Variants in CDH13 observed in about 807,000 individuals in gnomAD.
CDH13 encodes cadherin-13.
A neutral mutation model predicts 63.8 loss-of-function variants in CDH13; 24 were observed. The observed-to-expected ratio is 0.38, with a 90% CI of 0.27 to 0.53. CDH13 has a LOEUF of 0.53. Among genes scored for constraint, CDH13 ranks in the 20% least tolerant of loss-of-function variants. The probability of loss-of-function intolerance (pLI) is 0.85; values close to 1 mark genes in which losing one functional copy is unlikely to be tolerated. For missense variants in CDH13, 1,049 were observed against 903.1 expected (o/e 1.16, Z -2.07); for synonymous variants, 503 against 355.3 (o/e 1.42, Z -4.67).
At chr16:83,129,371 G>T (rs2035949580) in intron 4 of CDH13, among the ~76,000 whole-genome samples, 1 of 152,200 alleles carries the variant, frequency 6.6e-6, no homozygotes, top group Admixed American at 6.5e-5. Flanking sequence ...CCCTAGAAGT[G>T]GACCGCAAGA....
intron 7 of CDH13, among the ~76,000 whole-genome samples, chr16:83,531,381 A>G (rs1448216801): frequency 6.6e-6 from 1 of 152,192 alleles, no homozygotes; most frequent in Non-Finnish European, 1.5e-5. Flanking sequence ...CAGACACCCA[A>G]GTCCTGATCC....
At chr16:83,415,227 C>G (rs755808830) in intron 6 of CDH13, among the ~76,000 whole-genome samples, 4 of 151,860 alleles carry the variant, frequency 2.6e-5, no homozygotes, top group Admixed American at 6.6e-5. Flanking sequence ...AAGATTAAAT[C>G]GTGAAGAAAT....
chr16:82,817,170 G>A (rs56277310), intron 1 of CDH13, among the ~76,000 whole-genome samples: 45,522 of 151,540 alleles, frequency 0.3, 8,406 homozygotes, highest in Non-Finnish European at 0.41. Flanking sequence ...ATCACTCTTC[G>A]CCCCCCACTG....
intron 8 of CDH13, among the ~76,000 whole-genome samples, chr16:83,657,117 G>C (rs571789569): frequency 6.6e-6 from 1 of 152,308 alleles, no homozygotes; most frequent in Admixed American, 6.5e-5. Flanking sequence ...ATATGTAATG[G>C]CAAAATGAAT....
rs2091527612 is a variant in CDH13 at position 83,379,926 on chromosome 16, T to TAC, written c.781+34921_781+34922insCA. On this transcript the variant is annotated intron_variant, in intron 6 of 13. Transcript: ENST00000567109. ...TATTATATATGTGTGTGTGTATATA[T>TAC]ATATATATATATAGAGAGAGAGAGA... is the stretch of plus-strand genomic sequence containing the variant. Among the ~76,000 whole-genome samples, 18 of 86,730 alleles carry TAC rather than the reference T, an allele frequency of 2.1e-4. No homozygotes were observed. The Admixed American group carries it at 2.3e-3, about 11-fold the overall frequency. 56.9% of individuals were successfully genotyped at this position (86,730 alleles called of 152,430 possible).
At chr16:83,327,673 A>G (rs925269652) in intron 5 of CDH13, among the ~76,000 whole-genome samples, 3 of 152,220 alleles carry the variant, frequency 2.0e-5, no homozygotes, top group African/African-American at 7.2e-5. Context: ...GGGATTAAGG[A>G]TGAGTAATGA....
rs1231072898 is a variant in CDH13, at chr16:82,961,806, G to A, written c.158-70204G>A. Among the ~76,000 whole-genome samples the A allele has an allele frequency of 2.0e-5, 3 of 152,146 alleles. No homozygotes were observed. The East Asian group carries it at 5.8e-4, about 29-fold the overall frequency. ...CTGCAGAGGATAAAAGGAAATGTCT[G>A]GAGACTTTTGGTTGTCACCGTTGGG... On this transcript the variant is annotated intron_variant, in intron 2 of 13. Transcript: ENST00000567109.
intron 2 of CDH13, among the ~76,000 whole-genome samples, chr16:83,004,673 C>T (rs1174555355): frequency 6.6e-6 from 1 of 152,044 alleles, no homozygotes; most frequent in Non-Finnish European, 1.5e-5. Context: ...AATTTTTTGT[C>T]TCTTTAGTAG....
At chr16:83,464,751 A>C (rs1178752216) in intron 6 of CDH13, among the ~76,000 whole-genome samples, 2 of 152,164 alleles carry the variant, frequency 1.3e-5, no homozygotes, top group Non-Finnish European at 2.9e-5. Flanking sequence ...CCGAAAAGAC[A>C]CATTCTGAGA....
At chr16:83,410,109 G>T (rs1473277366) in intron 6 of CDH13, among the ~76,000 whole-genome samples, 2 of 152,176 alleles carry the variant, frequency 1.3e-5, no homozygotes, top group Admixed American at 1.3e-4. Flanking sequence ...CCTGTTAACA[G>T]GTAATAAGAT....
chr16:83,308,958 G>A (rs1231553464), intron 5 of CDH13, among the ~76,000 whole-genome samples: 4 of 152,192 alleles, frequency 2.6e-5, no homozygotes, highest in African/African-American at 4.8e-5. Flanking sequence ...GGGAAAGAGG[G>A]CACCAGGTCA....
intron 3 of CDH13, among the ~76,000 whole-genome samples, chr16:83,039,815 C>G (rs953386685): frequency 2.0e-5 from 3 of 152,192 alleles, no homozygotes; most frequent in Non-Finnish European, 2.9e-5. Flanking sequence ...TCCCTTCACA[C>G]TGGCTACTCC....
intron 5 of CDH13, among the ~76,000 whole-genome samples, chr16:83,281,981 C>A (rs1047207993): frequency 6.6e-6 from 1 of 151,970 alleles, no homozygotes; most frequent in Non-Finnish European, 1.5e-5. Flanking sequence ...AAGTGAGGGC[C>A]ATGTGTCTCT....
chr16:83,144,501 C>T (rs2036663445), intron 4 of CDH13, among the ~76,000 whole-genome samples: 1 of 152,184 alleles, frequency 6.6e-6, no homozygotes, highest in African/African-American at 2.4e-5. Flanking sequence ...CAGATATAAT[C>T]ACCACGAGAC....
Position 83,447,067 on chromosome 16 carries a change from A to C in CDH13, c.782-39410A>C, listed in dbSNP as rs61419818. On this transcript the variant is annotated intron_variant, in intron 6 of 13. Transcript: ENST00000567109. The stretch of plus-strand genomic sequence containing the variant: ...GTCACCCGTCTTAAAAAAAAAAAAA[A>C]AAAAAAACAAAAAACACCTTATAGT... Among the ~76,000 whole-genome samples the C allele has an allele frequency of 1.3e-3, 186 of 138,254 alleles. 3 individuals are homozygous for C. The highest frequency in any genetic ancestry group is 2.9e-3 in the African/African-American group (107 of 36,304). 90.7% of individuals were successfully genotyped at this position (138,254 alleles called of 152,430 possible). A position where few individuals can be genotyped will look rare whatever the true frequency, so the allele number is the denominator to read the frequency against.
intron 6 of CDH13, among the ~76,000 whole-genome samples, chr16:83,375,546 A>T (rs1328893936): frequency 6.6e-6 from 1 of 152,226 alleles, no homozygotes; most frequent in Non-Finnish European, 1.5e-5. Flanking sequence ...AATGGAGCTG[A>T]GGGTGGCATG....
At chr16:82,989,688 A>G (rs1404899344) in intron 2 of CDH13, among the ~76,000 whole-genome samples, 1 of 152,208 alleles carries the variant, frequency 6.6e-6, no homozygotes, top group Non-Finnish European at 1.5e-5. Flanking sequence ...TTCAAGGTGC[A>G]GGGTATTGCC....
intron 5 of CDH13, among the ~76,000 whole-genome samples, chr16:83,305,071 C>G (rs894464395): frequency 1.3e-5 from 2 of 152,116 alleles, no homozygotes; most frequent in African/African-American, 2.4e-5. Flanking sequence ...CAATGTAAGC[C>G]CAGGTGAGAG....
chr16:83,643,221 C>A, intron 8 of CDH13, among the ~76,000 whole-genome samples: 1 of 64,290 alleles, frequency 1.6e-5, no homozygotes. Context: ...CAGCATGGCA[C>A]ATGTATACAT....
Sources: gnomAD v4.1 joint callset for allele counts (sites outside exome capture counted in the v4.1 genomes callset) on GRCh38, gnomAD v4.1.1 for gene constraint, MANE v1.5 for transcripts, NCBI Gene and HGNC (gene_info 2026-07-23, HGNC 2026-07-21) for gene names.